The following NCOA7 variants were observed in gnomAD, a reference collection of about 807,000 sequenced individuals.
NCOA7 encodes 140 kDa estrogen receptor-associated protein.
Under a neutral mutation model 104.3 loss-of-function variants are expected in NCOA7, and 45 were observed. That is an observed-to-expected ratio of 0.43 (90% CI 0.34 to 0.55). The LOEUF (loss-of-function observed/expected upper bound fraction) is 0.55. Among genes scored for constraint, NCOA7 ranks in the 20% least tolerant of loss-of-function variants. The pLI, the probability that NCOA7 is intolerant of heterozygous loss-of-function variation, is 0.02. For missense variants in NCOA7, 1,041 were observed against 1,119.7 expected, an observed-to-expected ratio of 0.93 and a Z score of 1.00; for synonymous variants, 398 against 402.3, an observed-to-expected ratio of 0.99 and a Z score of 0.13.
intron 9 of NCOA7, among the ~76,000 whole-genome samples, 168 bp from the exon 10 acceptor site, chr6:125,890,474 T>C (rs1185834242): frequency 1.3e-5 from 2 of 152,190 alleles, no homozygotes; most frequent in African/African-American, 4.8e-5. Flanking sequence ...TTTTTCCTTG[T>C]GTGCTAAAGA....
At chr6:125,851,678 T>C (rs1169357668) in intron 2 of NCOA7, among the ~76,000 whole-genome samples, 6 of 152,158 alleles carry the variant, frequency 3.9e-5, no homozygotes. Context: ...ATTGCCATAC[T>C]GCAAATGTTG....
chr6:125,852,032 C>T (rs1406910406), intron 2 of NCOA7, among the ~76,000 whole-genome samples: 1 of 151,890 alleles, frequency 6.6e-6, no homozygotes, highest in East Asian at 1.9e-4. Flanking sequence ...ATATTTTCTC[C>T]CATTCTGTCT....
At chr6:125,920,527 G>A (rs1787477577) in intron 11 of NCOA7, among the ~76,000 whole-genome samples, 2 of 152,146 alleles carry the variant, frequency 1.3e-5, no homozygotes, top group African/African-American at 4.8e-5. Flanking sequence ...CGAGCAATCA[G>A]CAGCTATACT....
Position 125,862,753 on chromosome 6 carries a change from C to G in NCOA7, c.271+7513C>G, listed in dbSNP as rs760089464. 2.2e-5 allele frequency among the ~76,000 whole-genome samples: 3 copies of G among 138,702 alleles called. 1 individual carries two copies. Among genetic ancestry groups the G allele is most frequent in the Non-Finnish European group, 4.6e-5 (3 of 65,038 alleles). 91.0% of individuals were successfully genotyped at this position (138,702 alleles called of 152,430 possible). A position where few individuals can be genotyped will look rare whatever the true frequency, so the allele number is the denominator to read the frequency against. ...GTGTGGTGGTTCATGCCTATAATCA[C>G]AGCACTTTGGGGGGCCAAGGCAGGC... is the stretch of plus-strand genomic sequence containing the variant. On this transcript the variant is annotated intron_variant, in intron 3 of 15. Transcript: ENST00000392477.
intron 2 of NCOA7, among the ~76,000 whole-genome samples, chr6:125,841,412 A>G (rs950575789): frequency 2.0e-5 from 3 of 152,128 alleles, no homozygotes; most frequent in African/African-American, 7.2e-5. Flanking sequence ...CGTTTCTCAG[A>G]ATGTATCCCT....
chr6:125,858,220 G>A (rs1478317585), intron 3 of NCOA7, among the ~76,000 whole-genome samples: 2 of 152,048 alleles, frequency 1.3e-5, no homozygotes, highest in Non-Finnish European at 2.9e-5. Flanking sequence ...TGCATTGAAA[G>A]GAATAGTTAA....
chr6:125,902,548 A>G (rs1294879318), intron 10 of NCOA7, among the ~76,000 whole-genome samples: 1 of 151,906 alleles, frequency 6.6e-6, no homozygotes, highest in African/African-American at 2.4e-5. Context: ...CGTAACTAGT[A>G]GTGAATCTTG....
intron 10 of NCOA7, among the ~76,000 whole-genome samples, chr6:125,914,650 C>G (rs1469339577): frequency 1.3e-5 from 2 of 152,026 alleles, no homozygotes; most frequent in African/African-American, 4.8e-5. Context: ...TAGTATGAAC[C>G]TTGGAGGATA....
chr6:125,890,850 G>A, intron 10 of NCOA7, 40 bp downstream of exon 10: 1 of 1,428,126 alleles, frequency 7.0e-7, no homozygotes, highest in African/African-American at 1.5e-5. Context: ...GGGTCTGTTA[G>A]GTTTGGATGG....
At chr6:125,894,955 T>C (rs1365664789) in intron 10 of NCOA7, among the ~76,000 whole-genome samples, 8 of 152,208 alleles carry the variant, frequency 5.3e-5, no homozygotes, top group Admixed American at 3.9e-4. Context: ...GAGAACCTTA[T>C]GAAAAGTGAT....
In NCOA7 at chr6:125,805,459, G is replaced by T. The variant is rs182732115; in HGVS notation, c.-64-9832G>T. Among the ~76,000 whole-genome samples, 71 of 152,252 alleles carry T rather than the reference G, an allele frequency of 4.7e-4. No homozygotes were observed. The East Asian group carries it at 8.3e-3, about 18-fold the overall frequency. On this transcript the variant is annotated intron_variant, in intron 1 of 15. Transcript: ENST00000392477. ...AACCAGGCATTGATGTGAAAATTAT[G>T]TGTAGTAATAGCCCACCCTTACAGG...
chr6:125,928,520 A>G, intron 15 of NCOA7, 116 bp from the exon 16 acceptor site: 2 of 1,152,244 alleles, frequency 1.7e-6, no homozygotes, highest in Non-Finnish European at 2.4e-6. Context: ...TTTTATAAGC[A>G]GTTTAGAATT....
chr6:125,895,967 G>A (rs1007601331), intron 10 of NCOA7, among the ~76,000 whole-genome samples: 4 of 91,492 alleles, frequency 4.4e-5, no homozygotes, highest in African/African-American at 9.2e-5. Flanking sequence ...ATGTATATAT[G>A]TGTGTGTGTG....
At chr6:125,842,679 GTAAT>G (rs1289027233) in intron 2 of NCOA7, among the ~76,000 whole-genome samples, 1 of 152,104 alleles carries the variant, frequency 6.6e-6, no homozygotes, top group African/African-American at 2.4e-5. Context: ...GCAGATCTAA[GTAAT>G]TAGATATGAA....
intron 3 of NCOA7, among the ~76,000 whole-genome samples, chr6:125,874,096 G>A (rs1428661308): frequency 3.3e-5 from 5 of 152,144 alleles, no homozygotes; most frequent in Admixed American, 1.3e-4. Flanking sequence ...AGGCTGAGGC[G>A]GGCGGATCAC....
intron 6 of NCOA7, 36 bp downstream of exon 6, chr6:125,881,239 A>G: frequency 7.3e-7 from 1 of 1,364,722 alleles, no homozygotes; most frequent in Non-Finnish European, 1.0e-6. Flanking sequence ...ATTTTTATTA[A>G]AGAGACTTCT....
chr6:125,848,714 G>A (rs1780849877), intron 2 of NCOA7, among the ~76,000 whole-genome samples: 1 of 151,908 alleles, frequency 6.6e-6, no homozygotes, highest in Admixed American at 6.6e-5. Context: ...CGAGTTGATG[G>A]GTGCAGCAAA....
Position 125,889,130 on chromosome 6 carries a change from C to A in NCOA7, c.1076C>A (p.Pro359His). The A allele has an allele frequency of 6.2e-7, 1 of 1,614,142 alleles. No homozygotes were observed. Among genetic ancestry groups the A allele is most frequent in the Non-Finnish European group, 8.5e-7 (1 of 1,180,014 alleles). ...TTGGAGAAGTCCACAGGACATACAC[C>A]TACAAAGCCCTCAGGCAGCTCTGTG... ...VPLEKSTGHT[P>H]TKPSGSSVSE... Residue 359 changes from proline (P) to histidine (H), a missense_variant, in exon 9 of 16, where the codon CCT (proline) becomes CAT (histidine). By Grantham distance (77) the Pro-to-His change is moderately conservative (BLOSUM62 -2). Transcript: ENST00000392477.
At chr6:125,807,319 CTA>C (rs1562795216) in intron 1 of NCOA7, among the ~76,000 whole-genome samples, 1 of 152,276 alleles carries the variant, frequency 6.6e-6, no homozygotes, top group East Asian at 1.9e-4. Context: ...TCTAATTTCC[CTA>C]TAGTGTGAGA....
Sources: allele counts gnomAD v4.1 joint callset (sites outside exome capture counted in the v4.1 genomes callset), GRCh38; gene constraint gnomAD v4.1.1; transcripts MANE v1.5; gene names NCBI Gene and HGNC (gene_info 2026-07-23, HGNC 2026-07-21).